The following DIP2C variants were observed in gnomAD, a reference collection of about 807,000 sequenced individuals.
The protein encoded by DIP2C is DIP2 acetate--CoA ligase C (putative).
A neutral mutation model predicts 192.4 loss-of-function variants in DIP2C; 33 were observed. The ratio of observed to expected loss-of-function variants is 0.17; its 90% CI spans 0.13 to 0.23. The LOEUF (loss-of-function observed/expected upper bound fraction) is 0.23, where lower values mean the gene tolerates loss of function less well. DIP2C is among the 10% of genes least tolerant of loss of function. DIP2C has a pLI of 1.00. For synonymous variants in DIP2C, 979 were observed against 864.1 expected (o/e 1.13, Z -2.33); for missense variants, 1,537 against 2,110.1 (o/e 0.73, Z 5.32).
At chr10:293,621 A>C (rs1180300171) in intron 32 of DIP2C, among the ~76,000 whole-genome samples, 1 of 152,212 alleles carries the variant, frequency 6.6e-6, no homozygotes, top group East Asian at 1.9e-4. Flanking sequence ...CTGGCAGCTA[A>C]GGTACACAGA....
intron 14 of DIP2C, 87 bp from the exon 15 acceptor site, chr10:384,726 C>T (rs1052555774): frequency 2.1e-5 from 29 of 1,354,922 alleles, no homozygotes; most frequent in South Asian, 3.7e-5. Flanking sequence ...CACTAGGCCG[C>T]ACGGGCAGGG....
At position 414,739 on chromosome 10, in the gene DIP2C, G is replaced by GTGTATATATATATATATATA; in HGVS notation, c.860-630_860-629insTATATATATATATATATACA. Among the ~76,000 whole-genome samples the GTGTATATATATATATATATA allele has an allele frequency of 1.5e-3, 133 of 90,530 alleles. 6 individuals carry two copies. The highest frequency in any genetic ancestry group is 4.8e-3 in the South Asian group (12 of 2,508). 59.4% of individuals were successfully genotyped at this position (90,530 alleles called of 152,430 possible). A position where few individuals can be genotyped will look rare whatever the true frequency, so the allele number is the denominator to read the frequency against. On this transcript the variant is annotated intron_variant, in intron 7 of 36. Coordinates refer to ENST00000280886, the MANE Select transcript of DIP2C (RefSeq NM_014974.3). ...TGTGTGTGTGTGTGTGTGTGTGTGT[G>GTGTATATATATATATATATA]TACATATATATATATATAATGTGTA...
Position 689,192 on chromosome 10 carries a change from G to A in DIP2C, c.85+302C>T, listed in dbSNP as rs1281200935. ...CGGCCCCACAAACATCCCAGGGCGCGGGGGATCGCGGCCCCACAAACACCC... is the reference window on the plus strand; with the variant it reads ...CGGCCCCACAAACATCCCAGGGCGCAGGGGATCGCGGCCCCACAAACACCC... On this transcript the variant is annotated intron_variant, in intron 1 of 36. Coordinates refer to ENST00000280886, the MANE Select transcript of DIP2C (RefSeq NM_014974.3). This position sits in a 1 kb window ranked among gnomAD's most constrained non-coding sequence, Gnocchi z 6.1. 6.6e-6 allele frequency among the ~76,000 whole-genome samples: 1 copy of A among 151,272 alleles called. No homozygotes were observed. The highest frequency in any genetic ancestry group is 1.5e-5 in the Non-Finnish European group (1 of 67,720).
At chr10:624,888 G>C (rs816561) in intron 1 of DIP2C, among the ~76,000 whole-genome samples, 1 of 152,070 alleles carries the variant, frequency 6.6e-6, no homozygotes, top group Non-Finnish European at 1.5e-5. Context: ...GGGGGGAGCC[G>C]CACTGGGGAC....
intron 24 of DIP2C, among the ~76,000 whole-genome samples, chr10:354,110 G>T (rs189554499): frequency 6.6e-6 from 1 of 152,180 alleles, no homozygotes; most frequent in East Asian, 1.9e-4. Flanking sequence ...AAGCGTGCCT[G>T]CCTCTGTGTC....
rs573515215 is a variant in DIP2C at position 378,455 on chromosome 10, A to G, written c.1991+4192T>C. On this transcript the variant is annotated intron_variant, in intron 17 of 36. Coordinates refer to ENST00000280886, the MANE Select transcript of DIP2C (RefSeq NM_014974.3). ...CAGGCATGCATAAAGACACGTGAAC[A>G]CAAACATGCCTAGACAAAGACATGC... Among the ~76,000 whole-genome samples the G allele has an allele frequency of 2.0e-5, 3 of 152,342 alleles. No homozygotes were observed. In the South Asian group the frequency reaches 6.2e-4, roughly 32 times the overall value.
chr10:430,168 T>C (rs1966844088), intron 4 of DIP2C: 2 of 152,262 alleles, frequency 1.3e-5, no homozygotes, highest in South Asian at 2.1e-4. Context: ...ATATGTCGAT[T>C]TGCCATCTTT....
chr10:456,837 G>A (rs940265996), intron 3 of DIP2C, among the ~76,000 whole-genome samples: 3 of 152,208 alleles, frequency 2.0e-5, no homozygotes, highest in Non-Finnish European at 4.4e-5. Flanking sequence ...GGAGAGTTGT[G>A]CAAAATGGTC....
chr10:546,148 G>A (rs983752840), intron 1 of DIP2C, among the ~76,000 whole-genome samples: 1 of 152,044 alleles, frequency 6.6e-6, no homozygotes, highest in African/African-American at 2.4e-5. Context: ...CGGGCTTGGT[G>A]GTGGGTGCCT....
chr10:662,723 G>A lies in DIP2C; in HGVS notation c.85+26771C>T, dbSNP rs111621242. The A allele has an allele frequency of 2.9e-3, 1,702 of 585,508 alleles. 24 individuals are homozygous for A. The highest frequency in any genetic ancestry group is 0.028 in the African/African-American group (1,492 of 53,456). 36.3% of individuals were successfully genotyped at this position (585,508 alleles called of 1,614,324 possible). On this transcript the variant is annotated intron_variant, in intron 1 of 36. Coordinates refer to ENST00000280886, the MANE Select transcript of DIP2C (RefSeq NM_014974.3). ...GGCAGAAAATATATACAATGTTTGA[G>A]GAAATAATTTTTAAAGGTTTCAAAT...
At chr10:548,203 G>GCCCCC (rs1259544852) in intron 1 of DIP2C, among the ~76,000 whole-genome samples, 66 of 50,650 alleles carry the variant, frequency 1.3e-3, no homozygotes, top group Non-Finnish European at 2.0e-3. Flanking sequence ...ACACGAGTCT[G>GCCCCC]CCCCACCCCC....
chr10:407,724 T>C (rs942841153), intron 9 of DIP2C, among the ~76,000 whole-genome samples: 4 of 152,210 alleles, frequency 2.6e-5, no homozygotes, highest in Non-Finnish European at 5.9e-5. Flanking sequence ...TGCTAAATCT[T>C]TGGAGAAACG....
At chr10:607,973 G>A (rs886592390) in intron 1 of DIP2C, among the ~76,000 whole-genome samples, 1 of 151,774 alleles carries the variant, frequency 6.6e-6, no homozygotes, top group African/African-American at 2.4e-5. Context: ...TGCGGCTACA[G>A]ACACCGTAAT....
intron 4 of DIP2C, among the ~76,000 whole-genome samples, chr10:434,185 T>C (rs1392418489): frequency 2.0e-5 from 3 of 152,238 alleles, no homozygotes; most frequent in Non-Finnish European, 2.9e-5. Flanking sequence ...TACATAAGCA[T>C]ATAATCAAAT....
At chr10:564,813 AAC>A (rs1238266448) in intron 1 of DIP2C, among the ~76,000 whole-genome samples, 2 of 152,202 alleles carry the variant, frequency 1.3e-5, no homozygotes, top group Non-Finnish European at 2.9e-5. Flanking sequence ...CTCAGAAAAA[AAC>A]ACATAACACG....
intron 1 of DIP2C, among the ~76,000 whole-genome samples, chr10:653,742 G>A (rs1037071553): frequency 1.3e-5 from 2 of 152,238 alleles, no homozygotes; most frequent in Non-Finnish European, 2.9e-5. Context: ...CAATTGTGCT[G>A]TGGCCCTAAC....
intron 1 of DIP2C, among the ~76,000 whole-genome samples, chr10:639,460 G>A (rs182004993): frequency 1.3e-4 from 20 of 149,942 alleles, no homozygotes; most frequent in African/African-American, 4.1e-4. Flanking sequence ...GGTGCTGCCC[G>A]GCTCACGGTC....
At chr10:410,700 G>C (rs776350871) in intron 8 of DIP2C, among the ~76,000 whole-genome samples, 7 of 152,192 alleles carry the variant, frequency 4.6e-5, no homozygotes, top group Non-Finnish European at 1.0e-4. Context: ...CACCATTCTA[G>C]TTTGTGAAAG....
intron 1 of DIP2C, among the ~76,000 whole-genome samples, chr10:683,559 G>T (rs184978545): frequency 6.6e-6 from 1 of 152,160 alleles, no homozygotes; most frequent in Non-Finnish European, 1.5e-5. Flanking sequence ...ACCAAAGGGC[G>T]CCATAGACGT....
Sources: allele counts gnomAD v4.1 joint callset (sites outside exome capture counted in the v4.1 genomes callset), GRCh38; gene constraint gnomAD v4.1.1; non-coding constraint Gnocchi (gnomAD v3.1); transcripts MANE v1.5; gene names NCBI Gene and HGNC (gene_info 2026-07-23, HGNC 2026-07-21).